SNRNP48: variants seen among roughly 807,000 people sequenced by gnomAD.
The protein encoded by SNRNP48 is U11/U12 small nuclear ribonucleoprotein 48 kDa protein.
A neutral mutation model predicts 47.0 loss-of-function variants in SNRNP48; 43 were observed. The ratio of observed to expected loss-of-function variants is 0.92; its 90% CI spans 0.72 to 1.18. SNRNP48 has a LOEUF of 1.18. SNRNP48 is among the 50% of genes most tolerant of loss of function. The pLI, the probability that SNRNP48 is intolerant of heterozygous loss-of-function variation, is 0.00. For synonymous variants in SNRNP48, 138 were observed against 144.0 expected (o/e 0.96, Z 0.30); for missense variants, 396 against 422.2 (o/e 0.94, Z 0.54).
intron 4 of SNRNP48, chr6:7,600,455 C>G (rs1759994898): frequency 6.6e-6 from 1 of 152,584 alleles, no homozygotes; most frequent in South Asian, 2.1e-4. Context: ...AGCTCATGTT[C>G]TTTGTTTGCA....
chr6:7,601,284 G>T, intron 4 of SNRNP48, 52 bp from the exon 5 acceptor site: 1 of 1,404,442 alleles, frequency 7.1e-7, no homozygotes, highest in South Asian at 1.4e-5. Context: ...TAGATTTTAA[G>T]TTCACAATGC....
At chr6:7,600,429 A>C (rs1759994160) in intron 4 of SNRNP48, 1 of 155,044 alleles carries the variant, frequency 6.4e-6, no homozygotes, top group Non-Finnish European at 1.4e-5. Flanking sequence ...GCAAACAATA[A>C]AAGGATTCCT....
At chr6:7,595,302 T>G (rs1759884509) in intron 4 of SNRNP48, among the ~76,000 whole-genome samples, 1 of 152,226 alleles carries the variant, frequency 6.6e-6, no homozygotes, top group Non-Finnish European at 1.5e-5. Flanking sequence ...AGAGTCTCAC[T>G]AAGACACTAT....
At position 7,606,131 on chromosome 6, in the gene SNRNP48, C is replaced by T; in HGVS notation, c.907C>T (p.Pro303Ser). The change falls in exon 8 of 9, where the codon CCA becomes TCA. Residue 303 changes from proline to serine, a missense_variant. Coordinates refer to ENST00000342415, the MANE Select transcript of SNRNP48 (RefSeq NM_152551.4). ...ACATAGAAGGGATAGGAGTAGAAGC[C>T]CACATAAAAGAAAAAGAAACAAAGA... ...SRHRRDRSRS[P>S]HKRKRNKDKD... 1 of 1,612,682 alleles carries T rather than the reference C, an allele frequency of 6.2e-7. No individual in the cohort carries two copies. Among genetic ancestry groups the T allele is most frequent in the Non-Finnish European group, 8.5e-7 (1 of 1,179,508 alleles).
Position 7,592,894 on chromosome 6 carries a change from T to G in SNRNP48, c.157-840T>G, listed in dbSNP as rs1581832643. Among the ~76,000 whole-genome samples, 5 of 152,088 alleles carry G rather than the reference T, an allele frequency of 3.3e-5. No individual in the cohort carries two copies. In the South Asian group the frequency reaches 1.0e-3, roughly 32 times the overall value. ...TAGGAGTTAAATTGGCAGGACTAGG[T>G]GATTGATTGGACGTGGGTGATGAGG... On this transcript the variant is annotated intron_variant, in intron 1 of 8. Transcript: ENST00000342415.
At position 7,602,728 on chromosome 6, in the gene SNRNP48, A is replaced by G. The variant is rs1264866368; in HGVS notation, c.701A>G (p.Lys234Arg). The change falls in exon 6 of 9, where the codon AAG becomes AGG. Residue 234 changes from lysine (K) to arginine (R), a missense_variant. Coordinates refer to ENST00000342415, the MANE Select transcript of SNRNP48 (RefSeq NM_152551.4). ...AGAGCCAAGAATGTTCACATAACCA[A>G]GAAATCATATACTGAGGTAAGTTTT... Reference protein sequence around the residue: ...SYRAKNVHITKKSYTEVIRDV... With the variant: ...SYRAKNVHITRKSYTEVIRDV... The G allele has an allele frequency of 1.9e-6, 3 of 1,584,832 alleles. No homozygotes were observed. In the African/African-American group the frequency reaches 4.1e-5, roughly 22 times the overall value.
chr6:7,601,963 C>T (rs765416164), intron 5 of SNRNP48, among the ~76,000 whole-genome samples: 3 of 152,128 alleles, frequency 2.0e-5, no homozygotes, highest in South Asian at 2.1e-4. Flanking sequence ...AAGCAATTCT[C>T]GTGCCTCAGC....
intron 6 of SNRNP48, among the ~76,000 whole-genome samples, chr6:7,604,883 A>G (rs1016776384): frequency 1.9e-4 from 29 of 152,214 alleles, no homozygotes; most frequent in African/African-American, 6.5e-4. Context: ...TTTTAAAAAA[A>G]TCATTTGTAA....
chr6:7,605,892 G>C, intron 7 of SNRNP48, 139 bp from the exon 8 acceptor site: 1 of 954,902 alleles, frequency 1.0e-6, no homozygotes, highest in Non-Finnish European at 1.5e-6. Context: ...TTTTATATGG[G>C]TTATAAGATT....
intron 8 of SNRNP48, among the ~76,000 whole-genome samples, chr6:7,606,681 G>A (rs183690139): frequency 1.1e-3 from 165 of 152,246 alleles, no homozygotes; most frequent in Non-Finnish European, 5.0e-4. Context: ...AATTAATACC[G>A]AATTAGTAAA....
In SNRNP48 at chr6:7,609,063, C is replaced by A. The variant is rs41302887; in HGVS notation, c.*190C>A. 2.1e-3 allele frequency: 687 copies of A among 330,678 alleles called. 1 individual carries two copies. Among genetic ancestry groups the A allele is most frequent in the Non-Finnish European group, 2.9e-3 (517 of 175,982 alleles). The allele number at this position is 330,678 out of a possible 1,614,324, so 20.5% of individuals were successfully genotyped here. Reference sequence around the variant, plus strand: ...TTCAAACCATGAGTACACTATTAGGCCCTACAACTTTGTTTTCCTTATATT... The same window carrying A: ...TTCAAACCATGAGTACACTATTAGGACCTACAACTTTGTTTTCCTTATATT... On this transcript the variant is annotated 3_prime_UTR_variant, in exon 9 of 9. Transcript: ENST00000342415.
intron 4 of SNRNP48, chr6:7,601,060 G>C: frequency 4.0e-6 from 1 of 250,382 alleles, no homozygotes; most frequent in Non-Finnish European, 7.5e-6. Context: ...TGTCTCTTAT[G>C]ATTATTCCTG....
At chr6:7,595,734 C>CT (rs1759893645) in intron 4 of SNRNP48, among the ~76,000 whole-genome samples, 1 of 152,158 alleles carries the variant, frequency 6.6e-6, no homozygotes, top group African/African-American at 2.4e-5. Flanking sequence ...AGATTGCTTG[C>CT]TACCCAGTAA....
intron 4 of SNRNP48, among the ~76,000 whole-genome samples, chr6:7,598,566 G>A (rs959247456): frequency 1.3e-5 from 2 of 152,034 alleles, no homozygotes; most frequent in Admixed American, 1.3e-4. Context: ...TTATTTTTGT[G>A]GCTCACTTAT....
At chr6:7,607,051 G>T (rs1760141197) in intron 8 of SNRNP48, among the ~76,000 whole-genome samples, 1 of 152,156 alleles carries the variant, frequency 6.6e-6, no homozygotes, top group East Asian at 1.9e-4. Flanking sequence ...TGGCATGGTG[G>T]CTCATGCCTA....
Position 7,609,398 on chromosome 6 carries a change from A to G in SNRNP48, c.*525A>G, listed in dbSNP as rs2113725903. The G allele has an allele frequency of 6.6e-6, 1 of 152,348 alleles. No homozygotes were observed. Among genetic ancestry groups the G allele is most frequent in the African/African-American group, 2.4e-5 (1 of 41,582 alleles). The allele number at this position is 152,348 out of a possible 1,614,324, so 9.4% of individuals were successfully genotyped here. A position where few individuals can be genotyped will look rare whatever the true frequency, so the allele number is the denominator to read the frequency against. ...GTCATAGGATAGATTATTGTATTGG[A>G]GTTAAAAGAAATAATCTAGATCCAT... is the stretch of plus-strand genomic sequence containing the variant. On this transcript the variant is annotated 3_prime_UTR_variant, in exon 9 of 9. Coordinates refer to ENST00000342415, the MANE Select transcript of SNRNP48 (RefSeq NM_152551.4).
chr6:7,602,103 C>T (rs1462823681), intron 5 of SNRNP48, among the ~76,000 whole-genome samples: 1 of 152,150 alleles, frequency 6.6e-6, no homozygotes, highest in Admixed American at 6.5e-5. Flanking sequence ...ATCCTCCTGT[C>T]TTGGCCTCCC....
At chr6:7,592,680 A>G (rs949024860) in intron 1 of SNRNP48, among the ~76,000 whole-genome samples, 6 of 152,164 alleles carry the variant, frequency 3.9e-5, no homozygotes, top group African/African-American at 1.2e-4. Flanking sequence ...ATGGAATTCA[A>G]ACCAGCTACA....
intron 8 of SNRNP48, among the ~76,000 whole-genome samples, chr6:7,607,915 T>C (rs1363721007): frequency 5.3e-5 from 8 of 152,240 alleles, no homozygotes; most frequent in African/African-American, 7.2e-5. Context: ...CCTTTTCTTA[T>C]ACAAATGAAA....
Sources: allele counts gnomAD v4.1 joint callset (sites outside exome capture counted in the v4.1 genomes callset), GRCh38; gene constraint gnomAD v4.1.1; transcripts MANE v1.5; gene names NCBI Gene and HGNC (gene_info 2026-07-23, HGNC 2026-07-21).